The following S100A7A variants were observed in gnomAD, a reference collection of about 807,000 sequenced individuals.
S100A7A encodes S100 calcium binding protein A7A.
A neutral mutation model predicts 4.0 loss-of-function variants in S100A7A; 5 were observed. The ratio of observed to expected loss-of-function variants is 1.26; its 90% CI spans 0.66 to 2.66. The LOEUF (loss-of-function observed/expected upper bound fraction) is 2.66, where lower values mean the gene tolerates loss of function less well. Ranked by LOEUF, S100A7A falls within the 30% of genes most tolerant of loss-of-function variation. The probability of loss-of-function intolerance (pLI) is 0.01; values close to 1 mark genes in which losing one functional copy is unlikely to be tolerated. For synonymous variants in S100A7A, 52 were observed against 46.4 expected (o/e 1.12, Z -0.49); for missense variants, 159 against 125.1 (o/e 1.27, Z -1.29).
chr1:153,418,275 G>C (rs1178792559), intron 2 of S100A7A, 52 bp downstream of exon 2: 2 of 1,609,502 alleles, frequency 1.2e-6, no homozygotes, highest in Non-Finnish European at 1.7e-6. Context: ...CATGGCTGAG[G>C]ATACATTTTG....
rs200271082 is a variant in S100A7A, at chr1:153,419,276, T to C, written c.273T>C (p.His91=). 42 of 1,614,194 alleles carry C rather than the reference T, an allele frequency of 2.6e-5. No individual in the cohort carries two copies. In the East Asian group the frequency reaches 7.4e-4, roughly 28 times the overall value. ...CCGCAGACTACCACAAGCAGAGCCA[T>C]GGAGCGGCGCCCTGTTCTGGGGGAA... is the stretch of plus-strand genomic sequence containing the variant. ...DIAADYHKQS[H]GAAPCSGGSQ Residue 91 remains histidine, a synonymous_variant, in exon 3 of 3, where the codon CAT becomes CAC. Transcript: ENST00000368729.
At position 153,419,053 on chromosome 1, in the gene S100A7A, C is replaced by T; in HGVS notation, c.142-92C>T. On this transcript the variant is annotated intron_variant, in intron 2 of 2. Transcript: ENST00000368729. Reference sequence around the variant, plus strand: ...GACCATGCCTGTGCAGATCTAGGTACTTGTCTGTATCTCTGCCTCCTCCTC... The same window carrying T: ...GACCATGCCTGTGCAGATCTAGGTATTTGTCTGTATCTCTGCCTCCTCCTC... The T allele has an allele frequency of 2.9e-6, 4 of 1,382,382 alleles. No homozygotes were observed. The African/African-American group carries it at 4.3e-5, about 15-fold the overall frequency. The allele number at this position is 1,382,382 out of a possible 1,614,324, so 85.6% of individuals were successfully genotyped here.
rs561131517 is a variant in S100A7A, at chr1:153,422,002, G to C, written c.*2693G>C. ...AATGCAGGACTCATCACATCTATTC[G>C]GATATTCTGTTTACACACCCATGTC... is the stretch of plus-strand genomic sequence containing the variant. On this transcript the variant is annotated 3_prime_UTR_variant, in exon 3 of 3. Coordinates refer to ENST00000368729, the MANE Select transcript of S100A7A (RefSeq NM_176823.4). The C allele has an allele frequency of 6.6e-6, 1 of 152,168 alleles. No homozygotes were observed. The highest frequency in any genetic ancestry group is 1.5e-5 in the Non-Finnish European group (1 of 68,042). 9.4% of individuals were successfully genotyped at this position (152,168 alleles called of 1,614,324 possible).
At position 153,416,544 on chromosome 1, in the gene S100A7A, C is replaced by T. The variant is rs1050457740; in HGVS notation, c.-37C>T. ...CACACATCTCACTCATCCTTCTACT[C>T]GTGACACTTCCCAGTTCTGGTAAGT... On this transcript the variant is annotated 5_prime_UTR_variant, in exon 1 of 3. Transcript: ENST00000368729. 2.0e-5 allele frequency: 10 copies of T among 491,208 alleles called. No homozygotes were observed. The highest frequency in any genetic ancestry group is 4.0e-5 in the African/African-American group (2 of 50,328). 30.4% of individuals were successfully genotyped at this position (491,208 alleles called of 1,614,324 possible).
At position 153,421,688 on chromosome 1, in the gene S100A7A, C is replaced by T. The variant is rs1249747904; in HGVS notation, c.*2379C>T. On this transcript the variant is annotated 3_prime_UTR_variant, in exon 3 of 3. Coordinates refer to ENST00000368729, the MANE Select transcript of S100A7A (RefSeq NM_176823.4). ...TCCCTCAGGACTCACGTACTGATCT[C>T]CCAAAAGAAGAGAGGGTCTCCCTGG... 1 of 152,246 alleles carries T rather than the reference C, an allele frequency of 6.6e-6. No homozygotes were observed. The highest frequency in any genetic ancestry group is 6.5e-5 in the Admixed American group (1 of 15,286). The allele number at this position is 152,246 out of a possible 1,614,324, so 9.4% of individuals were successfully genotyped here.
chr1:153,418,558 A>C (rs1295977986), intron 2 of S100A7A, among the ~76,000 whole-genome samples: 1 of 152,138 alleles, frequency 6.6e-6, no homozygotes, highest in Non-Finnish European at 1.5e-5. Context: ...CAAAGGCCCC[A>C]CATCAACATC....
At position 153,418,065 on chromosome 1, in the gene S100A7A, G is replaced by A; in HGVS notation, c.-17-1G>A. 1 of 1,613,404 alleles carries A rather than the reference G, an allele frequency of 6.2e-7. No homozygotes were observed. Among genetic ancestry groups the A allele is most frequent in the Non-Finnish European group, 8.5e-7 (1 of 1,179,448 alleles). On this transcript the variant is annotated splice_acceptor_variant, in intron 1 of 2. Coordinates refer to ENST00000368729, the MANE Select transcript of S100A7A (RefSeq NM_176823.4). LOFTEE classifies it low-confidence loss of function (5UTR_SPLICE). Reference sequence around the variant, plus strand: ...GAAATGATTGTCTTTATTTCCTGAAGGCTTTTTGAAAGCAAAGATGAGCAA... The same window carrying A: ...GAAATGATTGTCTTTATTTCCTGAAAGCTTTTTGAAAGCAAAGATGAGCAA...
chr1:153,419,181 G>A lies in S100A7A; in HGVS notation c.178G>A (p.Glu60Lys). ...CATACATTACCTCGCCACTGTCTTT[G>A]AGAAAAAGGACAAGAATGAGGATAA... Reference protein sequence around the residue: ...KGIHYLATVFEKKDKNEDKKI... With the variant: ...KGIHYLATVFKKKDKNEDKKI... The change falls in exon 3 of 3, where the codon GAG becomes AAG. Residue 60 changes from glutamate (E) to lysine (K), a missense_variant. Glu to Lys is a moderately conservative substitution (Grantham distance 56). Coordinates refer to ENST00000368729, the MANE Select transcript of S100A7A (RefSeq NM_176823.4). 1 of 1,614,148 alleles carries A rather than the reference G, an allele frequency of 6.2e-7. No homozygotes were observed. The highest frequency in any genetic ancestry group is 8.5e-7 in the Non-Finnish European group (1 of 1,180,026).
At chr1:153,416,633 A>C in intron 1 of S100A7A, 70 bp downstream of exon 1, 1 of 414,648 alleles carries the variant, frequency 2.4e-6, no homozygotes, top group South Asian at 2.1e-5. Flanking sequence ...TGCCTGTAGG[A>C]AGGGAAAGGG....
chr1:153,418,865 G>A (rs1254199699), intron 2 of S100A7A, among the ~76,000 whole-genome samples: 1 of 152,132 alleles, frequency 6.6e-6, no homozygotes, highest in African/African-American at 2.4e-5. Flanking sequence ...TTGAGGCTGG[G>A]GCAGGGGACT....
At chr1:153,418,285 G>A (rs1485220505) in intron 2 of S100A7A, 62 bp downstream of exon 2, 4 of 1,605,684 alleles carry the variant, frequency 2.5e-6, no homozygotes, top group Non-Finnish European at 3.4e-6. Flanking sequence ...GATACATTTT[G>A]CTATGTGGCC....
chr1:153,419,290 G>C lies in S100A7A; in HGVS notation c.287G>C (p.Cys96Ser), dbSNP rs1426439794. ...YHKQSHGAAP[C>S]SGGSQ ...AAGCAGAGCCATGGAGCGGCGCCCT[G>C]TTCTGGGGGAAGCCAGTGATCCAGC... Residue 96 changes from cysteine to serine, a missense_variant, in exon 3 of 3, where the codon TGT (cysteine) becomes TCT (serine). Coordinates refer to ENST00000368729, the MANE Select transcript of S100A7A (RefSeq NM_176823.4). 1.9e-6 allele frequency: 3 copies of C among 1,614,034 alleles called. No individual in the cohort carries two copies. The highest frequency in any genetic ancestry group is 1.6e-4 in the Middle Eastern group (1 of 6,084).
rs1197886414 is a variant in S100A7A at position 153,423,215 on chromosome 1, C to T, written c.*3906C>T. On this transcript the variant is annotated 3_prime_UTR_variant, in exon 3 of 3. Coordinates refer to ENST00000368729, the MANE Select transcript of S100A7A (RefSeq NM_176823.4). ...TCAATTTCATATTAAAACTCAATTT[C>T]TAGTAGAGTCTTTGGTTTCCTTGGT... 6.6e-6 allele frequency: 1 copy of T among 152,094 alleles called. No individual in the cohort carries two copies. The highest frequency in any genetic ancestry group is 1.5e-5 in the Non-Finnish European group (1 of 68,020). 9.4% of individuals were successfully genotyped at this position (152,094 alleles called of 1,614,324 possible).
Position 153,419,171 on chromosome 1 carries a change from C to T in S100A7A, c.168C>T (p.Ala56=), listed in dbSNP as rs1402833298. ...ACDKKGIHYL[A]TVFEKKDKNE... is the part of the protein sequence containing the mutation. ...ACAAAAAGGGCATACATTACCTCGC[C>T]ACTGTCTTTGAGAAAAAGGACAAGA... The change falls in exon 3 of 3, where the codon GCC becomes GCT. Residue 56 remains alanine (A), a synonymous_variant. Coordinates refer to ENST00000368729, the MANE Select transcript of S100A7A (RefSeq NM_176823.4). 1.2e-6 allele frequency: 2 copies of T among 1,614,018 alleles called. No homozygotes were observed. Among genetic ancestry groups the T allele is most frequent in the Non-Finnish European group, 1.7e-6 (2 of 1,180,018 alleles).
At chr1:153,417,560 C>A (rs1436371528) in intron 1 of S100A7A, among the ~76,000 whole-genome samples, 2 of 152,198 alleles carry the variant, frequency 1.3e-5, no homozygotes, top group African/African-American at 2.4e-5. Context: ...CTGTGTCATG[C>A]AGGGCTTGCA....
rs1571187369 is a variant in S100A7A, at chr1:153,421,347, C to T, written c.*2038C>T. On this transcript the variant is annotated 3_prime_UTR_variant, in exon 3 of 3. Transcript: ENST00000368729. ...GACCCCACTCTTACCATAGTGGCTA[C>T]ATTACTTCAGATTCCCCTAATGTCT... 6.6e-6 allele frequency: 1 copy of T among 152,182 alleles called. No individual in the cohort carries two copies. Among genetic ancestry groups the T allele is most frequent in the Non-Finnish European group, 1.5e-5 (1 of 68,046 alleles). 9.4% of individuals were successfully genotyped at this position (152,182 alleles called of 1,614,324 possible).
rs1662925116 is a variant in S100A7A, at chr1:153,422,590, T to C, written c.*3281T>C. ...AAATTCTGATATCAAAACATTCCAATAACTTTTTTTTTTCAGGCGCAGTCT... is the reference window on the plus strand; with the variant it reads ...AAATTCTGATATCAAAACATTCCAACAACTTTTTTTTTTCAGGCGCAGTCT... On this transcript the variant is annotated 3_prime_UTR_variant, in exon 3 of 3. Transcript: ENST00000368729. The C allele has an allele frequency of 2.1e-6, 2 of 966,562 alleles. No homozygotes were observed. Among genetic ancestry groups the C allele is most frequent in the African/African-American group, 1.8e-5 (1 of 56,538 alleles). 59.9% of individuals were successfully genotyped at this position (966,562 alleles called of 1,614,324 possible).
intron 1 of S100A7A, chr1:153,417,380 C>T (rs1156518872): frequency 1.3e-5 from 2 of 152,372 alleles, no homozygotes; most frequent in East Asian, 1.9e-4. Flanking sequence ...ACTCCCACCC[C>T]ATCCAGCAGC....
rs893059340 is a variant in S100A7A, at chr1:153,420,855, C to G, written c.*1546C>G. ...TGCAGCCTGCCCTCCATCATCCACCCCAGAATTGCTCTCTTTCCTCTCTTA... is the reference window on the plus strand; with the variant it reads ...TGCAGCCTGCCCTCCATCATCCACCGCAGAATTGCTCTCTTTCCTCTCTTA... On this transcript the variant is annotated 3_prime_UTR_variant, in exon 3 of 3. Coordinates refer to ENST00000368729, the MANE Select transcript of S100A7A (RefSeq NM_176823.4). 2 of 152,472 alleles carry G rather than the reference C, an allele frequency of 1.3e-5. No homozygotes were observed. Among genetic ancestry groups the G allele is most frequent in the Admixed American group, 6.5e-5 (1 of 15,282 alleles). The allele number at this position is 152,472 out of a possible 1,614,324, so 9.4% of individuals were successfully genotyped here.
Sources: allele counts gnomAD v4.1 joint callset (sites outside exome capture counted in the v4.1 genomes callset), GRCh38; gene constraint gnomAD v4.1.1; transcripts MANE v1.5; gene names NCBI Gene and HGNC (gene_info 2026-07-23, HGNC 2026-07-21).